Variants in IARS1 observed in about 807,000 individuals in gnomAD.
IARS1 encodes isoleucine--tRNA ligase, cytoplasmic.
In IARS1, 124 loss-of-function variants were observed where a neutral mutation model predicts 168.2. That is an observed-to-expected ratio of 0.74 (90% CI 0.64 to 0.86). The LOEUF is 0.86. Among genes scored for constraint, IARS1 ranks in the 40% least tolerant of loss-of-function variants. The probability of loss-of-function intolerance (pLI) is 0.00; values close to 1 mark genes in which losing one functional copy is unlikely to be tolerated. For synonymous variants in IARS1, 532 were observed against 529.4 expected, an observed-to-expected ratio of 1.00 and a Z score of -0.07; for missense variants, 1,452 against 1,515.8, an observed-to-expected ratio of 0.96 and a Z score of 0.70.
intron 26 of IARS1, 67 bp from the exon 27 acceptor site, chr9:92,245,138 A>G: frequency 8.4e-7 from 1 of 1,196,618 alleles, no homozygotes; most frequent in East Asian, 2.3e-5. Flanking sequence ...CTACCCGTGT[A>G]TTATGCCCCT....
At chr9:92,254,622 C>T (rs759662099) in intron 20 of IARS1, among the ~76,000 whole-genome samples, 2 of 152,178 alleles carry the variant, frequency 1.3e-5, no homozygotes, top group East Asian at 1.9e-4. Flanking sequence ...CTAGGGTTCA[C>T]GGCACTTTTT....
intron 17 of IARS1, 95 bp downstream of exon 17, chr9:92,262,874 C>G (rs1831724211): frequency 1.2e-6 from 1 of 825,686 alleles, no homozygotes; most frequent in African/African-American, 1.7e-5. Context: ...AAAGCTCCAC[C>G]TGTCACTACA....
In IARS1 at chr9:92,245,231, A is replaced by G. The variant is rs541295182; in HGVS notation, c.2792-160T>C. The G allele has an allele frequency of 2.1e-5, 13 of 611,702 alleles. 1 individual carries two copies. In the Admixed American group the frequency reaches 3.3e-4, roughly 16 times the overall value. 37.9% of individuals were successfully genotyped at this position (611,702 alleles called of 1,614,324 possible). On this transcript the variant is annotated intron_variant, in intron 26 of 33. Coordinates refer to ENST00000443024, the MANE Select transcript of IARS1 (RefSeq NM_002161.6). ...CTGACTCATGTCATGGTTGTAGCCAAGACATGACAAACTTTCTTTAGATTA... is the reference window on the plus strand; with the variant it reads ...CTGACTCATGTCATGGTTGTAGCCAGGACATGACAAACTTTCTTTAGATTA...
At chr9:92,231,435 C>T (rs532839569) in intron 30 of IARS1, among the ~76,000 whole-genome samples, 31 of 139,186 alleles carry the variant, frequency 2.2e-4, no homozygotes, top group African/African-American at 6.9e-4. Flanking sequence ...TTTTTTGAGA[C>T]GGAGTTTTGC....
chr9:92,239,060 C>T (rs1015938290), intron 30 of IARS1, among the ~76,000 whole-genome samples: 1 of 152,122 alleles, frequency 6.6e-6, no homozygotes, highest in Non-Finnish European at 1.5e-5. Context: ...AGAACCACAT[C>T]GAACAATGAT....
chr9:92,291,535 A>G (rs1836334014), intron 1 of IARS1, among the ~76,000 whole-genome samples: 1 of 152,214 alleles, frequency 6.6e-6, no homozygotes, highest in Admixed American at 6.5e-5. Context: ...TGTTTAACTA[A>G]CTGAAATAGC....
chr9:92,236,356 T>C (rs1320700193), intron 30 of IARS1, among the ~76,000 whole-genome samples: 2 of 151,472 alleles, frequency 1.3e-5, no homozygotes, highest in Non-Finnish European at 2.9e-5. Context: ...GAGTGAAATG[T>C]TCCTTCCTCT....
chr9:92,276,021 C>G (rs1833726266), intron 9 of IARS1, among the ~76,000 whole-genome samples: 1 of 151,998 alleles, frequency 6.6e-6, no homozygotes, highest in African/African-American at 2.4e-5. Flanking sequence ...TTTTTGGGTT[C>G]TCAATAGGTT....
intron 31 of IARS1, 127 bp downstream of exon 31, chr9:92,228,874 A>G: frequency 2.0e-6 from 2 of 1,001,266 alleles, no homozygotes; most frequent in Non-Finnish European, 3.0e-6. Flanking sequence ...ACTGCTGAAG[A>G]GTTGGGCCCT....
At chr9:92,229,555 G>C (rs1826342051) in intron 30 of IARS1, among the ~76,000 whole-genome samples, 1 of 151,992 alleles carries the variant, frequency 6.6e-6, no homozygotes, top group Non-Finnish European at 1.5e-5. Context: ...TATTCCCACA[G>C]GTCACGATGG....
chr9:92,282,403 A>G (rs1359846095), intron 6 of IARS1, among the ~76,000 whole-genome samples: 1 of 151,954 alleles, frequency 6.6e-6, no homozygotes, highest in Non-Finnish European at 1.5e-5. Flanking sequence ...CCCAGGTTCA[A>G]GCATTCTCCT....
At position 92,257,266 on chromosome 9, in the gene IARS1, T is replaced by A. The variant is rs111545481; in HGVS notation, c.2017-466A>T. 6.4e-3 allele frequency among the ~76,000 whole-genome samples: 974 copies of A among 152,342 alleles called. 8 individuals are homozygous for A. The highest frequency in any genetic ancestry group is 0.022 in the African/African-American group (908 of 41,558). ...TCTTTTTGCTTTGCAAAATCCTCCT[T>A]GATCTTAAGTCCTTGCTCTACAAAC... On this transcript the variant is annotated intron_variant, in intron 19 of 33. Coordinates refer to ENST00000443024, the MANE Select transcript of IARS1 (RefSeq NM_002161.6).
At chr9:92,214,934 C>G (rs1202246806) in intron 33 of IARS1, among the ~76,000 whole-genome samples, 1 of 152,254 alleles carries the variant, frequency 6.6e-6, no homozygotes, top group Non-Finnish European at 1.5e-5. Context: ...CTCAAGGAGG[C>G]CTGCATGCCT....
intron 33 of IARS1, among the ~76,000 whole-genome samples, chr9:92,217,469 A>G (rs1759692451): frequency 7.1e-6 from 1 of 141,374 alleles, no homozygotes; most frequent in Admixed American, 6.9e-5. Flanking sequence ...CCTTCAAAAA[A>G]TTAATGAATC....
At position 92,285,841 on chromosome 9, in the gene IARS1, T is replaced by G; in HGVS notation, c.480-2A>C. ...TCATAGAGTTGTTTGAAGACCCACCTGGTAAGAGATGGAGTTTCACAATTA... is the reference window on the plus strand; with the variant it reads ...TCATAGAGTTGTTTGAAGACCCACCGGGTAAGAGATGGAGTTTCACAATTA... On this transcript the variant is annotated splice_acceptor_variant, in intron 5 of 33. Coordinates refer to ENST00000443024, the MANE Select transcript of IARS1 (RefSeq NM_002161.6). LOFTEE classifies it high-confidence loss of function. The G allele has an allele frequency of 6.7e-7, 1 of 1,493,180 alleles. No homozygotes were observed. 92.5% of individuals were successfully genotyped at this position (1,493,180 alleles called of 1,614,324 possible).
At chr9:92,272,075 C>G (rs563254363) in intron 10 of IARS1, among the ~76,000 whole-genome samples, 141 of 152,184 alleles carry the variant, frequency 9.3e-4, no homozygotes, top group Non-Finnish European at 1.7e-3. Flanking sequence ...CAAAAATTTC[C>G]TATTTTACAG....
chr9:92,221,771 C>A (rs982630155), intron 33 of IARS1, among the ~76,000 whole-genome samples: 1 of 152,072 alleles, frequency 6.6e-6, no homozygotes, highest in African/African-American at 2.4e-5. Context: ...TAGCTCTTCA[C>A]AGTGTTACGT....
chr9:92,253,904 G>C, intron 20 of IARS1: 1 of 459,622 alleles, frequency 2.2e-6, no homozygotes, highest in South Asian at 1.6e-5. Context: ...GCATAGGCCA[G>C]TGATTCTCAA....
At position 92,256,745 on chromosome 9, in the gene IARS1, A is replaced by G. The variant is rs770669937; in HGVS notation, c.2072T>C (p.Ile691Thr). 14 of 1,613,798 alleles carry G rather than the reference A, an allele frequency of 8.7e-6. No individual in the cohort carries two copies. The East Asian group carries it at 2.9e-4, about 33-fold the overall frequency. The change falls in exon 20 of 34, where the codon ATT (isoleucine) becomes ACT (threonine). Residue 691 changes from isoleucine (I) to threonine (T), a missense_variant. Ile to Thr is a moderately conservative substitution (Grantham distance 89). Transcript: ENST00000443024. ...GAAGGACAGGATCCACCGGTCTGTA[A>G]TGTTGGGGCTTTCTCTAACCGTGTT... ...NENTVRESPN[I>T]TDRWILSFMQ... is the part of the protein sequence containing the mutation.
Sources: gnomAD v4.1 joint callset for allele counts (sites outside exome capture counted in the v4.1 genomes callset) on GRCh38, gnomAD v4.1.1 for gene constraint, MANE v1.5 for transcripts, NCBI Gene and HGNC (gene_info 2026-07-23, HGNC 2026-07-21) for gene names.